The following KIF4A variants were observed in gnomAD, a reference collection of about 807,000 sequenced individuals.
KIF4A encodes chromosome-associated kinesin KIF4A.
In KIF4A, 7 loss-of-function variants were observed where a neutral mutation model predicts 105.9. The ratio of observed to expected loss-of-function variants is 0.07; its 90% CI spans 0.04 to 0.12. The LOEUF is 0.12. KIF4A is among the 10% of genes least tolerant of loss of function. KIF4A has a pLI of 1.00. For synonymous variants in KIF4A, 281 were observed against 331.3 expected, an observed-to-expected ratio of 0.85 and a Z score of 1.65; for missense variants, 558 against 929.2, an observed-to-expected ratio of 0.60 and a Z score of 5.19.
At chrX:70,379,477 T>C (rs2086188656) in intron 18 of KIF4A, among the ~76,000 whole-genome samples, 1 of 111,877 alleles carries the variant, frequency 8.9e-6, no homozygotes, top group Non-Finnish European at 1.9e-5. Context: ...GTGAGTTCTA[T>C]CAAACATTTT....
intron 15 of KIF4A, among the ~76,000 whole-genome samples, chrX:70,366,487 C>A (rs1385469646): frequency 8.9e-6 from 1 of 112,162 alleles, no homozygotes; most frequent in African/African-American, 3.2e-5. Context: ...ATCTTTATTT[C>A]TGCCTTCATT....
intron 7 of KIF4A, among the ~76,000 whole-genome samples, chrX:70,329,126 A>G (rs2085921058): frequency 8.9e-6 from 1 of 112,131 alleles, no homozygotes; most frequent in South Asian, 3.7e-4. Context: ...AAATAACTAT[A>G]CAGATGGTTG....
chrX:70,339,621 A>G (rs994102952), intron 10 of KIF4A, among the ~76,000 whole-genome samples: 1 of 113,006 alleles, frequency 8.8e-6, no homozygotes, highest in Non-Finnish European at 1.9e-5. Flanking sequence ...ACAAGAATGT[A>G]TATTTATATT....
chrX:70,382,300 A>G (rs991703365), intron 18 of KIF4A, among the ~76,000 whole-genome samples: 1 of 111,630 alleles, frequency 9.0e-6, no homozygotes, highest in Non-Finnish European at 1.9e-5. Context: ...GCATGGTCGT[A>G]CATGCCTGTA....
chrX:70,341,765 A>T (rs1250664885), intron 10 of KIF4A, 34 bp from the exon 11 acceptor site: 1 of 1,182,723 alleles, frequency 8.5e-7, no homozygotes, highest in Non-Finnish European at 1.1e-6. Flanking sequence ...TATCAATCAG[A>T]TATTTTTCTA....
At chrX:70,395,629 A>G in intron 20 of KIF4A, 42 bp from the exon 21 acceptor site, 1 of 1,206,131 alleles carries the variant, frequency 8.3e-7, no homozygotes, top group South Asian at 1.8e-5. Context: ...TGAGCTAGTG[A>G]TTCCTCATCC....
chrX:70,347,792 G>A (rs2085999328), intron 13 of KIF4A, among the ~76,000 whole-genome samples: 2 of 100,385 alleles, frequency 2.0e-5, no homozygotes, highest in Non-Finnish European at 4.0e-5. Flanking sequence ...TGGCTAACAA[G>A]GTGAAACCCC....
intron 7 of KIF4A, among the ~76,000 whole-genome samples, chrX:70,305,894 G>T (rs191668901): frequency 3.5e-3 from 388 of 111,926 alleles, no homozygotes; most frequent in Non-Finnish European, 5.8e-3. Context: ...CATCAGATTT[G>T]CTTGTTATTA....
intron 1 of KIF4A, 37 bp downstream of exon 1, chrX:70,290,187 T>A: frequency 3.4e-6 from 1 of 291,752 alleles, no homozygotes; most frequent in Non-Finnish European, 6.0e-6. Flanking sequence ...CAGAACCTGT[T>A]TTTACCCAGT....
intron 15 of KIF4A, among the ~76,000 whole-genome samples, chrX:70,370,609 A>G (rs868260437): frequency 1.3e-3 from 145 of 110,183 alleles, no homozygotes; most frequent in African/African-American, 4.2e-3. Context: ...ATACACATAC[A>G]TACATACACA....
At chrX:70,355,673 A>T (rs1429635744) in intron 15 of KIF4A, among the ~76,000 whole-genome samples, 1 of 111,279 alleles carries the variant, frequency 9.0e-6, no homozygotes, top group Non-Finnish European at 1.9e-5. Context: ...GGGTACCAAC[A>T]TCACCTGGGA....
Position 70,359,419 on chromosome X carries a change from A to ATTTC in KIF4A, c.1674+5630_1674+5633dup, listed in dbSNP as rs199624112. Among the ~76,000 whole-genome samples the ATTTC allele has an allele frequency of 4.9e-3, 510 of 103,588 alleles. 5 individuals are homozygous for ATTTC. Among genetic ancestry groups the ATTTC allele is most frequent in the Non-Finnish European group, 7.2e-3 (364 of 50,395 alleles). 90.0% of individuals were successfully genotyped at this position (103,588 alleles called of 115,157 possible). ...ATGGGGATATGTGTTCCCCCACTGT[A>ATTTC]TTTCTTTCTTTCTTTCTTTCTCTCT... On this transcript the variant is annotated intron_variant, in intron 15 of 30. Coordinates refer to ENST00000374403, the MANE Select transcript of KIF4A (RefSeq NM_012310.5).
At chrX:70,342,009 A>G in intron 11 of KIF4A, 78 bp downstream of exon 11, 2 of 1,044,968 alleles carry the variant, frequency 1.9e-6, no homozygotes, top group Non-Finnish European at 2.6e-6. Context: ...CATGTATCTC[A>G]TTATGAGAGA....
chrX:70,375,990 C>T (rs1421622980), intron 17 of KIF4A, 110 bp from the exon 18 acceptor site: 5 of 478,601 alleles, frequency 1.0e-5, no homozygotes, highest in Non-Finnish European at 1.8e-5. Flanking sequence ...GGACTGCTTT[C>T]CCAGCCTAGT....
intron 13 of KIF4A, among the ~76,000 whole-genome samples, chrX:70,350,205 T>C (rs994689859): frequency 1.1e-3 from 123 of 111,191 alleles, no homozygotes; most frequent in African/African-American, 3.9e-3. Context: ...ACATTGAGCA[T>C]TGAGTGAGCG....
chrX:70,413,620 A>T (rs1185316202), intron 28 of KIF4A, among the ~76,000 whole-genome samples: 1 of 65,282 alleles, frequency 1.5e-5, no homozygotes, highest in Non-Finnish European at 2.9e-5. Flanking sequence ...ACAGAGCAAG[A>T]CTCCATCTCA....
intron 20 of KIF4A, among the ~76,000 whole-genome samples, chrX:70,388,368 G>A (rs1234390934): frequency 9.0e-6 from 1 of 111,540 alleles, no homozygotes; most frequent in African/African-American, 3.3e-5. Context: ...TTGTGCACAA[G>A]CCTGTGTGGA....
At chrX:70,403,054 TA>T (rs2086288091) in intron 23 of KIF4A, among the ~76,000 whole-genome samples, 1 of 112,041 alleles carries the variant, frequency 8.9e-6, no homozygotes, top group Admixed American at 9.5e-5. Flanking sequence ...TTCAAAAATT[TA>T]AGATCCAGTC....
chrX:70,366,612 A>G (rs1167773678), intron 15 of KIF4A, among the ~76,000 whole-genome samples: 3 of 112,036 alleles, frequency 2.7e-5, no homozygotes, highest in Non-Finnish European at 5.6e-5. Context: ...GTGGTCTGAG[A>G]GACAGTTTGT....
Sources: allele counts gnomAD v4.1 joint callset (sites outside exome capture counted in the v4.1 genomes callset), GRCh38; gene constraint gnomAD v4.1.1; transcripts MANE v1.5; gene names NCBI Gene and HGNC (gene_info 2026-07-23, HGNC 2026-07-21).